The following AIFM3 variants were observed in gnomAD, a reference collection of about 807,000 sequenced individuals.
AIFM3 encodes apoptosis-inducing factor 3.
AIFM3 carries 71 observed loss-of-function variants against 82.7 expected under a neutral mutation model. That is an observed-to-expected ratio of 0.86 (90% CI 0.71 to 1.05). The LOEUF (loss-of-function observed/expected upper bound fraction) is 1.05, where lower values mean the gene tolerates loss of function less well. AIFM3 is among the 50% of genes least tolerant of loss of function. The pLI, the probability that AIFM3 is intolerant of heterozygous loss-of-function variation, is 0.00. For synonymous variants in AIFM3, 337 were observed against 329.1 expected, an observed-to-expected ratio of 1.02 and a Z score of -0.26; for missense variants, 748 against 816.7, an observed-to-expected ratio of 0.92 and a Z score of 1.03.
chr22:20,966,678 A>G (rs1922911200), upstream of AIFM3: 1 of 152,288 alleles, frequency 6.6e-6, no homozygotes, highest in Non-Finnish European at 1.5e-5. Context: ...TGGGCCTTCC[A>G]AAGTCCACCT....
intron 2 of AIFM3, among the ~76,000 whole-genome samples, chr22:20,968,831 C>A (rs1923085978): frequency 6.6e-6 from 1 of 152,168 alleles, no homozygotes; most frequent in African/African-American, 2.4e-5. Flanking sequence ...CTCACCCCAG[C>A]CAGCTCACCC....
chr22:20,970,409 T>C (rs1569146024), intron 2 of AIFM3, among the ~76,000 whole-genome samples: 2 of 152,048 alleles, frequency 1.3e-5, no homozygotes, highest in South Asian at 4.1e-4. Flanking sequence ...ACCTCCTGAG[T>C]AGCAGGGACT....
chr22:20,976,339 T>C (rs1244528983), intron 10 of AIFM3, 33 bp downstream of exon 10: 1 of 1,613,544 alleles, frequency 6.2e-7, no homozygotes, highest in Non-Finnish European at 8.5e-7. Flanking sequence ...CATCGGACAC[T>C]AGGCAGGGCA....
chr22:20,980,060 C>A lies in AIFM3; in HGVS notation c.1693C>A (p.Pro565Thr), dbSNP rs777698722. ...VIAVASMNYD[P>T]IVSKVAEVLA... ...CGCCGTGGCCAGCATGAACTACGAT[C>A]CCATTGTGTCCAAGGTCGCTGAGGT... Residue 565 changes from proline to threonine, a missense_variant, in exon 19 of 21, where the codon CCC becomes ACC. Transcript: ENST00000440238. The A allele has an allele frequency of 1.9e-5, 30 of 1,611,406 alleles. No individual in the cohort carries two copies. Among genetic ancestry groups the A allele is most frequent in the Non-Finnish European group, 2.5e-5 (29 of 1,180,020 alleles).
intron 2 of AIFM3, among the ~76,000 whole-genome samples, chr22:20,970,521 C>G (rs939132168): frequency 6.6e-6 from 1 of 152,170 alleles, no homozygotes; most frequent in African/African-American, 2.4e-5. Flanking sequence ...AGTGCAATGG[C>G]TTGATCTTGG....
At chr22:20,970,470 T>A (rs1204107783) in intron 2 of AIFM3, among the ~76,000 whole-genome samples, 2 of 152,106 alleles carry the variant, frequency 1.3e-5, no homozygotes, top group Non-Finnish European at 2.9e-5. Flanking sequence ...TTTAACTTTT[T>A]TATTTTTTGA....
At chr22:20,967,666 C>T (rs77443098) in intron 1 of AIFM3, 139 bp from the exon 2 acceptor site, 27,836 of 541,774 alleles carry the variant, frequency 0.051, 909 homozygotes, top group Middle Eastern at 0.088. Context: ...CAGGGCCCCA[C>T]GCTCTGGGAT....
upstream of AIFM3, among the ~76,000 whole-genome samples, chr22:20,965,899 C>T (rs1922855643): frequency 6.6e-6 from 1 of 152,156 alleles, no homozygotes; most frequent in South Asian, 2.1e-4. Flanking sequence ...GGGTGGTTAG[C>T]ACTGGGCTCT....
At chr22:20,968,021 C>A in intron 2 of AIFM3, 46 bp downstream of exon 2, 1 of 1,548,618 alleles carries the variant, frequency 6.5e-7, no homozygotes, top group Non-Finnish European at 8.7e-7. Flanking sequence ...CCCTCCCCGC[C>A]TCCTCCTCCC....
rs979105886 is a variant in AIFM3, at chr22:20,981,211, T to G, written c.*180T>G. 6 of 787,256 alleles carry G rather than the reference T, an allele frequency of 7.6e-6. No homozygotes were observed. The highest frequency in any genetic ancestry group is 1.7e-5 in the African/African-American group (1 of 57,764). The allele number at this position is 787,256 out of a possible 1,614,324, so 48.8% of individuals were successfully genotyped here. ...GGCCTCTGCTGGATCCAGAAGATGC[T>G]CAACCCTCAAGGCCTCTGCTGCCAC... On this transcript the variant is annotated 3_prime_UTR_variant, in exon 21 of 21. Transcript: ENST00000440238.
In AIFM3 at chr22:20,977,438, G is replaced by A. The variant is rs1251265915; in HGVS notation, c.1283-262G>A. On this transcript the variant is annotated intron_variant, in intron 14 of 20. Coordinates refer to ENST00000440238, the MANE Select transcript of AIFM3 (RefSeq NM_001386814.1). ...ATGGGAGGTGGTAGCACCTGCAGGG[G>A]CTGAGGAGGTATGGCATGCTGTCCC... 5.0e-6 allele frequency: 3 copies of A among 604,732 alleles called. No individual in the cohort carries two copies. In the East Asian group the frequency reaches 8.3e-5, roughly 17 times the overall value. 37.5% of individuals were successfully genotyped at this position (604,732 alleles called of 1,614,324 possible). A position where few individuals can be genotyped will look rare whatever the true frequency, so the allele number is the denominator to read the frequency against.
At chr22:20,975,366 A>G (rs1923574494) in intron 8 of AIFM3, among the ~76,000 whole-genome samples, 2 of 149,364 alleles carry the variant, frequency 1.3e-5, no homozygotes, top group Admixed American at 6.7e-5. Context: ...CCCGGGCTCA[A>G]ACGATCCTCC....
At chr22:20,979,997 G>T (rs770285153) in intron 18 of AIFM3, 23 bp from the exon 19 acceptor site, 6 of 1,605,256 alleles carry the variant, frequency 3.7e-6, no homozygotes, top group Non-Finnish European at 8.5e-7. Context: ...CAGTCCTCAG[G>T]CTTGGCCATC....
intron 3 of AIFM3, 107 bp downstream of exon 3, chr22:20,973,627 G>A: frequency 7.2e-7 from 1 of 1,392,698 alleles, no homozygotes; most frequent in Non-Finnish European, 9.8e-7. Context: ...ATGACCAGCT[G>A]CTGCCCTGGT....
chr22:20,974,198 G>C, intron 5 of AIFM3, 26 bp downstream of exon 5: 1 of 1,613,490 alleles, frequency 6.2e-7, no homozygotes, highest in Non-Finnish European at 8.5e-7. Flanking sequence ...CGATGGGGTG[G>C]GAACCTGGGG....
chr22:20,975,644 T>A (rs370752467), intron 8 of AIFM3, 48 bp from the exon 9 acceptor site: 1 of 1,591,382 alleles, frequency 6.3e-7, no homozygotes, highest in African/African-American at 1.3e-5. Context: ...TGGGCCCCAG[T>A]GTCTTCTGCT....
intron 14 of AIFM3, 150 bp from the exon 15 acceptor site, chr22:20,977,550 A>C: frequency 1.2e-6 from 1 of 859,220 alleles, no homozygotes. Flanking sequence ...GAGACCGGGT[A>C]GTGGGGACCA....
At chr22:20,973,185 G>A in intron 2 of AIFM3, 122 bp from the exon 3 acceptor site, 1 of 1,134,928 alleles carries the variant, frequency 8.8e-7, no homozygotes, top group South Asian at 1.5e-5. Context: ...GGAATTCTGG[G>A]GAGGTTGCCA....
chr22:20,973,509 C>T lies in AIFM3; in HGVS notation c.234C>T (p.Leu78=), dbSNP rs183325820. 1.2e-5 allele frequency: 19 copies of T among 1,611,464 alleles called. No individual in the cohort carries two copies. In the East Asian group the frequency reaches 3.3e-4, roughly 28 times the overall value. The change falls in exon 3 of 21, where the codon CTC becomes CTT. Residue 78 remains leucine, a synonymous_variant. Transcript: ENST00000440238. ...VEAAVCHVKD[L]ENGQMREVEL... Reference sequence around the variant, plus strand: ...CTGCTGTCTGCCACGTCAAGGACCTCGAGAATGGCCAGTGGGTTCTGGGCT... The same window carrying T: ...CTGCTGTCTGCCACGTCAAGGACCTTGAGAATGGCCAGTGGGTTCTGGGCT...
Sources: allele counts gnomAD v4.1 joint callset (sites outside exome capture counted in the v4.1 genomes callset), GRCh38; gene constraint gnomAD v4.1.1; transcripts MANE v1.5; gene names NCBI Gene and HGNC (gene_info 2026-07-23, HGNC 2026-07-21).